TEKT5: variants seen among roughly 807,000 people sequenced by gnomAD.
The protein encoded by TEKT5 is tektin 5, also known as tektin-5.
TEKT5 carries 52 observed loss-of-function variants against 48.7 expected under a neutral mutation model. That is an observed-to-expected ratio of 1.07 (90% confidence interval 0.86 to 1.35). The LOEUF is 1.35. TEKT5 is among the 40% of genes most tolerant of loss of function. TEKT5 has a pLI of 0.00. For missense variants in TEKT5, 831 were observed against 641.6 expected, an observed-to-expected ratio of 1.30 and a Z score of -3.19; for synonymous variants, 318 against 267.6, an observed-to-expected ratio of 1.19 and a Z score of -1.84.
At chr16:10,666,793 C>T (rs1652716215) in intron 5 of TEKT5, among the ~76,000 whole-genome samples, 1 of 152,134 alleles carries the variant, frequency 6.6e-6, no homozygotes, top group Non-Finnish European at 1.5e-5. Flanking sequence ...GGTCATCCCT[C>T]CATCAGGACA....
At chr16:10,628,272 A>T (rs1596397528) in intron 6 of TEKT5, among the ~76,000 whole-genome samples, 1 of 152,358 alleles carries the variant, frequency 6.6e-6, no homozygotes, top group Non-Finnish European at 1.5e-5. Context: ...GAGGCAGAAC[A>T]GGTAGACAAG....
rs577289961 is a variant in TEKT5 at position 10,653,513 on chromosome 16, CCT to C, written c.1087-17597_1087-17596del. Among the ~76,000 whole-genome samples, 629 of 152,358 alleles carry C rather than the reference CCT, an allele frequency of 4.1e-3. 4 individuals carry two copies. Among genetic ancestry groups the C allele is most frequent in the Non-Finnish European group, 5.0e-3 (340 of 68,046 alleles). The stretch of plus-strand genomic sequence containing the variant: ...CTGTGTGACCTTGCATGGATCACAA[CCT>C]CTCTGTGCCTCATGCAATATGCATT... On this transcript the variant is annotated intron_variant, in intron 5 of 6. Coordinates refer to ENST00000283025, the MANE Select transcript of TEKT5 (RefSeq NM_144674.2).
At position 10,694,410 on chromosome 16, in the gene TEKT5, A is replaced by G. The variant is rs1899037790; in HGVS notation, c.464T>C (p.Leu155Pro). The G allele has an allele frequency of 6.2e-7, 1 of 1,614,164 alleles. No individual in the cohort carries two copies. The highest frequency in any genetic ancestry group is 1.3e-5 in the African/African-American group (1 of 75,060). The stretch of plus-strand genomic sequence containing the variant: ...CAGAAGCCTGTCCAGCTCATAGCTC[A>G]GCTCTGACTTCCAGAAGCCAATGTC... The part of the protein sequence containing the change: ...LSDIGFWKSE[L>P]SYELDRLLTE... Residue 155 changes from leucine (L) to proline (P), a missense_variant, in exon 1 of 7, where the codon CTG (leucine) becomes CCG (proline). Physicochemically the swap from Leu to Pro is moderately conservative, Grantham distance 98. Coordinates refer to ENST00000283025, the MANE Select transcript of TEKT5 (RefSeq NM_144674.2).
intron 5 of TEKT5, among the ~76,000 whole-genome samples, chr16:10,639,722 A>G (rs1202152266): frequency 1.3e-5 from 2 of 152,228 alleles, no homozygotes; most frequent in Non-Finnish European, 2.9e-5. Flanking sequence ...GAAACAAATC[A>G]CATCTCTGGC....
intron 5 of TEKT5, among the ~76,000 whole-genome samples, chr16:10,670,497 C>T (rs921639300): frequency 3.9e-5 from 6 of 152,062 alleles, no homozygotes; most frequent in African/African-American, 9.7e-5. Flanking sequence ...CCAGCCTGCA[C>T]GATAGAGTGA....
chr16:10,692,273 T>C (rs1309930959), intron 1 of TEKT5, among the ~76,000 whole-genome samples: 3 of 152,160 alleles, frequency 2.0e-5, no homozygotes, highest in African/African-American at 7.2e-5. Context: ...AAAGCTGCCC[T>C]GCCCATCATT....
At chr16:10,678,920 A>G (rs1898696612) in intron 4 of TEKT5, among the ~76,000 whole-genome samples, 2 of 152,272 alleles carry the variant, frequency 1.3e-5, no homozygotes, top group Middle Eastern at 3.4e-3. Context: ...TTTGTTCTCT[A>G]AAGATGGAGA....
chr16:10,653,987 TGTGTGTGTGAAC>T (rs1288114958), intron 5 of TEKT5, among the ~76,000 whole-genome samples: 1 of 151,872 alleles, frequency 6.6e-6, no homozygotes, highest in African/African-American at 2.4e-5. Context: ...AGTAAAATTG[TGTGTGTGTGAAC>T]GTGTGTGTGT....
Position 10,676,211 on chromosome 16 carries a change from G to A in TEKT5, c.864-30C>T, listed in dbSNP as rs753785257. On this transcript the variant is annotated intron_variant, in intron 4 of 6. Transcript: ENST00000283025. ...AAAGGCACAAGGGTGAGTTGCAGCA[G>A]TCCTGGAAGACCTCAGAATCTGTGG... 9 of 1,607,294 alleles carry A rather than the reference G, an allele frequency of 5.6e-6. No homozygotes were observed. The Admixed American group carries it at 1.2e-4, about 21-fold the overall frequency.
intron 5 of TEKT5, among the ~76,000 whole-genome samples, chr16:10,658,200 C>T (rs375967692): frequency 5.9e-5 from 9 of 152,228 alleles, no homozygotes; most frequent in African/African-American, 2.2e-4. Context: ...CTCTGAAAAG[C>T]CGTTTGACAG....
rs558886302 is a variant in TEKT5, at chr16:10,687,221, T to TC, written c.719+2031dup. On this transcript the variant is annotated intron_variant, in intron 3 of 6. Coordinates refer to ENST00000283025, the MANE Select transcript of TEKT5 (RefSeq NM_144674.2). ...ATCACTGAGCTTTTAAGTGTTCTCA[T>TC]CACAAAAAATAAGTATGTGAGGTAA... 1.2e-4 allele frequency among the ~76,000 whole-genome samples: 18 copies of TC among 152,292 alleles called. No individual in the cohort carries two copies. In the East Asian group the frequency reaches 3.3e-3, roughly 28 times the overall value.
chr16:10,662,055 G>A (rs1172840083), intron 5 of TEKT5, among the ~76,000 whole-genome samples: 1 of 152,088 alleles, frequency 6.6e-6, no homozygotes, highest in Non-Finnish European at 1.5e-5. Flanking sequence ...AAACCTTAAT[G>A]CTAGCAGATC....
chr16:10,681,816 T>C (rs981377829), intron 4 of TEKT5, among the ~76,000 whole-genome samples, 177 bp downstream of exon 4: 2 of 152,050 alleles, frequency 1.3e-5, no homozygotes, highest in African/African-American at 2.4e-5. Context: ...GTAAATTCCA[T>C]CTTGTCTTAA....
intron 5 of TEKT5, among the ~76,000 whole-genome samples, chr16:10,660,329 C>T (rs1898344177): frequency 1.3e-5 from 2 of 152,118 alleles, no homozygotes; most frequent in South Asian, 2.1e-4. Context: ...GGGCCACATG[C>T]CCCCACCTTT....
chr16:10,678,872 G>A (rs371733688), intron 4 of TEKT5, among the ~76,000 whole-genome samples: 1 of 152,190 alleles, frequency 6.6e-6, no homozygotes, highest in Non-Finnish European at 1.5e-5. Flanking sequence ...TCCTCAGCAG[G>A]CAGTGTGTCT....
At chr16:10,660,989 C>T (rs1898361503) in intron 5 of TEKT5, among the ~76,000 whole-genome samples, 1 of 152,238 alleles carries the variant, frequency 6.6e-6, no homozygotes, top group Non-Finnish European at 1.5e-5. Context: ...CGTGAGCCAC[C>T]GCGCCCGGCT....
chr16:10,663,167 G>A (rs1231582574), intron 5 of TEKT5, among the ~76,000 whole-genome samples: 1 of 152,096 alleles, frequency 6.6e-6, no homozygotes. Context: ...AACCAACCTC[G>A]GCTCAGTGGA....
intron 4 of TEKT5, among the ~76,000 whole-genome samples, chr16:10,681,568 C>A (rs1898751798): frequency 6.6e-6 from 1 of 151,946 alleles, no homozygotes; most frequent in Non-Finnish European, 1.5e-5. Flanking sequence ...AGTTGGTCTC[C>A]CTGCCGAGGT....
chr16:10,639,364 T>C (rs984964681), intron 5 of TEKT5, among the ~76,000 whole-genome samples: 3 of 152,094 alleles, frequency 2.0e-5, no homozygotes, highest in Admixed American at 6.6e-5. Flanking sequence ...ATATTCTCCA[T>C]CCACACACTC....
Sources: gnomAD v4.1 joint callset for allele counts (sites outside exome capture counted in the v4.1 genomes callset) on GRCh38, gnomAD v4.1.1 for gene constraint, MANE v1.5 for transcripts, NCBI Gene and HGNC (gene_info 2026-07-23, HGNC 2026-07-21) for gene names.